SORCS1: variants seen among roughly 807,000 people sequenced by gnomAD.
SORCS1 encodes the protein sortilin related VPS10 domain containing receptor 1.
A neutral mutation model predicts 146.1 loss-of-function variants in SORCS1; 60 were observed. The observed-to-expected ratio is 0.41, with a 90% CI of 0.33 to 0.51. SORCS1 has a LOEUF of 0.51. Among genes scored for constraint, SORCS1 ranks in the 20% least tolerant of loss-of-function variants. The probability of loss-of-function intolerance (pLI) is 0.21; values close to 1 mark genes in which losing one functional copy is unlikely to be tolerated. For synonymous variants in SORCS1, 637 were observed against 584.0 expected (o/e 1.09, Z -1.31); for missense variants, 1,352 against 1,487.6 (o/e 0.91, Z 1.50).
At chr10:107,009,263 C>A (rs1957586100) in intron 1 of SORCS1, among the ~76,000 whole-genome samples, 1 of 152,176 alleles carries the variant, frequency 6.6e-6, no homozygotes, top group Non-Finnish European at 1.5e-5. Flanking sequence ...AGCTATTCCC[C>A]AGATATTATC....
chr10:106,852,357 C>T lies in SORCS1; in HGVS notation c.627-22684G>A, dbSNP rs190014418. On this transcript the variant is annotated intron_variant, in intron 2 of 25. Transcript: ENST00000263054. ...TTAAGAAAGTTTCCTCGGCTGGGTGCGGTGGCTCACACCTGTAATCCCAGC... is the reference window on the plus strand; with the variant it reads ...TTAAGAAAGTTTCCTCGGCTGGGTGTGGTGGCTCACACCTGTAATCCCAGC... Among the ~76,000 whole-genome samples the T allele has an allele frequency of 8.5e-5, 13 of 152,148 alleles. No homozygotes were observed. In the East Asian group the frequency reaches 1.2e-3, roughly 14 times the overall value.
chr10:107,008,070 CT>C (rs1370981210), intron 1 of SORCS1, among the ~76,000 whole-genome samples: 1 of 151,404 alleles, frequency 6.6e-6, no homozygotes, highest in African/African-American at 2.5e-5. Flanking sequence ...TTAATAAATT[CT>C]TTTTTAAAAA....
At chr10:106,690,606 T>G (rs1283590933) in intron 9 of SORCS1, among the ~76,000 whole-genome samples, 1 of 152,224 alleles carries the variant, frequency 6.6e-6, no homozygotes, top group Non-Finnish European at 1.5e-5. Flanking sequence ...CTCTGGCAGC[T>G]TGGCCTTCAG....
rs552138549 is a variant in SORCS1 at position 106,886,234 on chromosome 10, C to A, written c.627-56561G>T. Among the ~76,000 whole-genome samples the A allele has an allele frequency of 1.2e-4, 19 of 152,222 alleles. No individual in the cohort carries two copies. The South Asian group carries it at 3.5e-3, about 28-fold the overall frequency. Reference sequence around the variant, plus strand: ...CCAAGATCACACCACTGCACTACAGCCTGGGTGACAAGAGTGAGACTCTGT... The same window carrying A: ...CCAAGATCACACCACTGCACTACAGACTGGGTGACAAGAGTGAGACTCTGT... On this transcript the variant is annotated intron_variant, in intron 2 of 25. Coordinates refer to ENST00000263054, the MANE Select transcript of SORCS1 (RefSeq NM_052918.5).
intron 4 of SORCS1, among the ~76,000 whole-genome samples, chr10:106,767,871 C>T (rs1376897907): frequency 6.6e-6 from 1 of 152,224 alleles, no homozygotes; most frequent in African/African-American, 2.4e-5. Flanking sequence ...ACAAATACCT[C>T]TCTTTCAAAG....
chr10:106,718,194 T>A (rs1236713453), intron 6 of SORCS1, among the ~76,000 whole-genome samples: 1 of 152,186 alleles, frequency 6.6e-6, no homozygotes, highest in African/African-American at 2.4e-5. Flanking sequence ...ACTGGCTGTG[T>A]GTTTTGCGAG....
chr10:106,874,307 CAAT>C (rs1950526726), intron 2 of SORCS1, among the ~76,000 whole-genome samples: 1 of 152,076 alleles, frequency 6.6e-6, no homozygotes, highest in Non-Finnish European at 1.5e-5. Flanking sequence ...TCAAAGAAAA[CAAT>C]GATCTAGTCC....
intron 18 of SORCS1, among the ~76,000 whole-genome samples, chr10:106,643,903 T>C (rs1849235789): frequency 6.6e-6 from 1 of 152,198 alleles, no homozygotes; most frequent in African/African-American, 2.4e-5. Context: ...TGCTATATTG[T>C]GTTCTTAGAA....
chr10:106,765,961 A>C (rs903832429), intron 4 of SORCS1, among the ~76,000 whole-genome samples: 12 of 152,192 alleles, frequency 7.9e-5, no homozygotes, highest in African/African-American at 2.7e-4. Flanking sequence ...TTTCAAAGAA[A>C]TTTGTGCTAC....
At chr10:107,056,850 T>C (rs1304301262) in intron 1 of SORCS1, among the ~76,000 whole-genome samples, 1 of 152,162 alleles carries the variant, frequency 6.6e-6, no homozygotes, top group East Asian at 1.9e-4. Flanking sequence ...GTAGGAGAGG[T>C]TCATGTCACC....
intron 23 of SORCS1, among the ~76,000 whole-genome samples, chr10:106,602,518 C>CAA (rs1314160580): frequency 2.1e-5 from 3 of 143,552 alleles, no homozygotes; most frequent in Admixed American, 2.0e-4. Context: ...TCATAACACA[C>CAA]ACACACACAC....
At chr10:107,036,637 CT>C (rs1252497919) in intron 1 of SORCS1, among the ~76,000 whole-genome samples, 1 of 152,198 alleles carries the variant, frequency 6.6e-6, no homozygotes, top group African/African-American at 2.4e-5. Context: ...TTCCATGGGA[CT>C]GTTCTTAACA....
chr10:107,086,648 T>C (rs1397712322), intron 1 of SORCS1, among the ~76,000 whole-genome samples: 4 of 152,204 alleles, frequency 2.6e-5, no homozygotes, highest in Admixed American at 6.5e-5. Context: ...ACATACATCA[T>C]ATAGCCATTA....
chr10:106,616,622 G>A (rs1206247312), intron 21 of SORCS1, among the ~76,000 whole-genome samples: 2 of 152,156 alleles, frequency 1.3e-5, no homozygotes, highest in Non-Finnish European at 2.9e-5. Context: ...GACATTGGTA[G>A]GAAAATCACA....
At position 106,618,225 on chromosome 10, in the gene SORCS1, T is replaced by C. The variant is rs1233190492; in HGVS notation, c.2844A>G (p.Glu948=). The C allele has an allele frequency of 6.2e-7, 1 of 1,614,126 alleles. No individual in the cohort carries two copies. Among genetic ancestry groups the C allele is most frequent in the South Asian group, 1.1e-5 (1 of 91,084 alleles). The change falls in exon 21 of 26, where the codon GAA becomes GAG. Residue 948 remains glutamate (E), a synonymous_variant. Coordinates refer to ENST00000263054, the MANE Select transcript of SORCS1 (RefSeq NM_052918.5). Reference sequence around the variant, plus strand: ...CCTGCACTGTGATGGTATTCATTCCTTCTGAAGTAAATCTGAAGGATATGC... The same window carrying C: ...CCTGCACTGTGATGGTATTCATTCCCTCTGAAGTAAATCTGAAGGATATGC... ...EGSISFRFTS[E]GMNTITVQVS... is the part of the protein sequence containing the mutation.
intron 2 of SORCS1, among the ~76,000 whole-genome samples, chr10:106,945,556 G>A (rs1042429155): frequency 3.3e-5 from 5 of 152,196 alleles, no homozygotes; most frequent in African/African-American, 7.2e-5. Context: ...ATTTTACCAC[G>A]TGGTGTTCAT....
intron 2 of SORCS1, among the ~76,000 whole-genome samples, chr10:106,916,185 T>C (rs1354109275): frequency 6.6e-6 from 1 of 152,178 alleles, no homozygotes; most frequent in East Asian, 1.9e-4. Flanking sequence ...ATTAATTATT[T>C]TTTTATTTTA....
At chr10:106,634,518 C>T (rs1410339627) in intron 18 of SORCS1, among the ~76,000 whole-genome samples, 8 of 152,212 alleles carry the variant, frequency 5.3e-5, no homozygotes, top group Non-Finnish European at 1.2e-4. Context: ...TTAAGATGAT[C>T]TGTGCTTTGA....
chr10:106,664,818 G>GT (rs1315262714), intron 17 of SORCS1, among the ~76,000 whole-genome samples: 2 of 151,582 alleles, frequency 1.3e-5, no homozygotes, highest in Admixed American at 1.3e-4. Context: ...GATTGAGCTG[G>GT]TTAAAAAAAA....
Sources: allele counts gnomAD v4.1 joint callset (sites outside exome capture counted in the v4.1 genomes callset), GRCh38; gene constraint gnomAD v4.1.1; transcripts MANE v1.5; gene names NCBI Gene and HGNC (gene_info 2026-07-23, HGNC 2026-07-21).